Variants in SASH1 observed in about 807,000 individuals in gnomAD.
SASH1 encodes the protein SAM and SH3 domain-containing protein 1.
SASH1 carries 44 observed loss-of-function variants against 125.2 expected under a neutral mutation model. That is an observed-to-expected ratio of 0.35 (90% CI 0.28 to 0.45). The LOEUF is 0.45. Among genes scored for constraint, SASH1 ranks in the 20% least tolerant of loss-of-function variants. The probability of loss-of-function intolerance (pLI) is 1.00; values close to 1 mark genes in which losing one functional copy is unlikely to be tolerated. For missense variants in SASH1, 1,426 were observed against 1,614.5 expected (o/e 0.88, Z 2.00); for synonymous variants, 639 against 649.1 (o/e 0.98, Z 0.24).
At chr6:148,484,967 A>T (rs1778781406) in intron 7 of SASH1, among the ~76,000 whole-genome samples, 1 of 152,150 alleles carries the variant, frequency 6.6e-6, no homozygotes, top group South Asian at 2.1e-4. Flanking sequence ...AAAACCAGTT[A>T]AGTAGCAAAG....
the SASH1 span, among the ~76,000 whole-genome samples, chr6:148,216,111 G>A: frequency 2.6e-4 from 40 of 151,916 alleles, no homozygotes; most frequent in African/African-American, 7.7e-4. Context: ...TGCCCGCCTC[G>A]GCCTCCCAAA....
At chr6:148,254,207 CA>C in the SASH1 span, among the ~76,000 whole-genome samples, 25 of 138,208 alleles carry the variant, frequency 1.8e-4, no homozygotes, top group East Asian at 4.2e-4. Context: ...AACTCTGTCT[CA>C]AAAAAAAAAG....
At chr6:148,196,438 G>C in the SASH1 span, among the ~76,000 whole-genome samples, 1 of 152,224 alleles carries the variant, frequency 6.6e-6, no homozygotes, top group Non-Finnish European at 1.5e-5. Context: ...GTAGCAGAGG[G>C]CATGATGGCC....
the SASH1 span, among the ~76,000 whole-genome samples, chr6:148,210,506 C>T: frequency 6.6e-6 from 1 of 152,216 alleles, no homozygotes; most frequent in Non-Finnish European, 1.5e-5. Flanking sequence ...GCACTCCAGC[C>T]TGGGCAACAG....
At chr6:148,202,878 C>T in the SASH1 span, among the ~76,000 whole-genome samples, 28 of 151,950 alleles carry the variant, frequency 1.8e-4, no homozygotes, top group Non-Finnish European at 2.8e-4. Context: ...CGCTTGAACC[C>T]GGTAGGCAGA....
intron 1 of SASH1, among the ~76,000 whole-genome samples, chr6:148,290,522 T>C (rs1582922283): frequency 6.6e-6 from 1 of 151,860 alleles, no homozygotes; most frequent in Admixed American, 6.6e-5. Context: ...AGGAGAATGG[T>C]GTGAACCCGG....
At position 148,308,273 on chromosome 6, in the gene SASH1, C is replaced by T. The variant is rs185236442; in HGVS notation, n.74+35896C>T. On this transcript the variant is annotated intron_variant and non_coding_transcript_variant, in intron 1 of 3. Transcript: ENST00000367469. Reference sequence around the variant, plus strand: ...GCCACAGTTAAAAAGATATTAAATCCGCCCCCCCCAAAAATGTATAATAAT... The same window carrying T: ...GCCACAGTTAAAAAGATATTAAATCTGCCCCCCCCAAAAATGTATAATAAT... Among the ~76,000 whole-genome samples, 6 of 140,386 alleles carry T rather than the reference C, an allele frequency of 4.3e-5. No homozygotes were observed. In the East Asian group the frequency reaches 5.9e-4, roughly 14 times the overall value. 92.1% of individuals were successfully genotyped at this position (140,386 alleles called of 152,430 possible).
At chr6:148,448,134 G>GTGTGTGTA in intron 4 of SASH1, among the ~76,000 whole-genome samples, 1 of 151,618 alleles carries the variant, frequency 6.6e-6, no homozygotes, top group Admixed American at 6.6e-5. Flanking sequence ...GTGTGTGTGT[G>GTGTGTGTA]TGTGTATGTG....
intron 19 of SASH1, 146 bp from the exon 20 acceptor site, chr6:148,548,149 C>A: frequency 2.8e-6 from 2 of 711,062 alleles, no homozygotes; most frequent in Non-Finnish European, 2.2e-6. Context: ...TCCTGCTAGT[C>A]TTGATCTCTG....
the SASH1 span, among the ~76,000 whole-genome samples, chr6:148,227,999 A>G: frequency 2.0e-5 from 3 of 152,236 alleles, no homozygotes; most frequent in Non-Finnish European, 4.4e-5. Context: ...ACTGGCAGAC[A>G]CAAAGCAGGG....
chr6:148,449,437 G>C (rs916153871), intron 4 of SASH1, among the ~76,000 whole-genome samples: 1 of 148,860 alleles, frequency 6.7e-6, no homozygotes, highest in African/African-American at 2.5e-5. Flanking sequence ...GCCCAGGCTG[G>C]AGTGCAATGG....
chr6:148,445,037 G>T (rs925349478), intron 4 of SASH1, among the ~76,000 whole-genome samples: 3 of 152,176 alleles, frequency 2.0e-5, no homozygotes, highest in African/African-American at 2.4e-5. Flanking sequence ...AACTGTCATG[G>T]TGCTGCTAGG....
chr6:148,545,026 G>A (rs1188612081), intron 18 of SASH1, among the ~76,000 whole-genome samples: 1 of 152,138 alleles, frequency 6.6e-6, no homozygotes, highest in African/African-American at 2.4e-5. Context: ...GTAAACCGAG[G>A]TTAAAAATAA....
chr6:148,305,231 T>C (rs1284961137), intron 1 of SASH1, among the ~76,000 whole-genome samples: 1 of 152,178 alleles, frequency 6.6e-6, no homozygotes, highest in Admixed American at 6.5e-5. Flanking sequence ...CTGCATGGGT[T>C]CCTGAGGAGA....
intron 8 of SASH1, among the ~76,000 whole-genome samples, chr6:148,488,249 C>T (rs1274272754): frequency 2.6e-5 from 4 of 152,196 alleles, no homozygotes; most frequent in African/African-American, 9.7e-5. Flanking sequence ...CAATATTTGT[C>T]TTTGTGTGTC....
chr6:148,316,475 T>A (rs1471745045), intron 1 of SASH1, among the ~76,000 whole-genome samples: 1 of 152,254 alleles, frequency 6.6e-6, no homozygotes, highest in Non-Finnish European at 1.5e-5. Context: ...AGCATAGATA[T>A]ATGTCACACT....
intron 1 of SASH1, among the ~76,000 whole-genome samples, chr6:148,380,893 C>A (rs1244870070): frequency 6.6e-6 from 1 of 152,238 alleles, no homozygotes; most frequent in Admixed American, 6.5e-5. Context: ...CTTTGCTCTT[C>A]TGTGCAGTAG....
chr6:148,344,444 A>C (rs1163722738), intron 1 of SASH1, among the ~76,000 whole-genome samples: 1 of 152,176 alleles, frequency 6.6e-6, no homozygotes, highest in Non-Finnish European at 1.5e-5. Context: ...CTAAAAGCCC[A>C]GTTACTCCAT....
chr6:148,398,350 CTG>C (rs1263485496), intron 2 of SASH1, among the ~76,000 whole-genome samples: 3 of 152,214 alleles, frequency 2.0e-5, no homozygotes, highest in Non-Finnish European at 4.4e-5. Flanking sequence ...ATAGTCCAGT[CTG>C]TGTGGGTTTT....
Sources: gnomAD v4.1 joint callset for allele counts (sites outside exome capture counted in the v4.1 genomes callset) on GRCh38, gnomAD v4.1.1 for gene constraint, MANE v1.5 for transcripts, NCBI Gene and HGNC (gene_info 2026-07-23, HGNC 2026-07-21) for gene names.